TBC1D4: variants seen among roughly 807,000 people sequenced by gnomAD.
TBC1D4 encodes TBC (Tre-2, BUB2, CDC16) domain-containing protein.
TBC1D4 carries 121 observed loss-of-function variants against 142.5 expected under a neutral mutation model. The ratio of observed to expected loss-of-function variants is 0.85; its 90% CI spans 0.73 to 0.99. The LOEUF (loss-of-function observed/expected upper bound fraction) is 0.99, where lower values mean the gene tolerates loss of function less well. Among genes scored for constraint, TBC1D4 ranks in the 50% least tolerant of loss-of-function variants. The probability of loss-of-function intolerance (pLI) is 0.00; values close to 1 mark genes in which losing one functional copy is unlikely to be tolerated. For missense variants in TBC1D4, 1,475 were observed against 1,606.6 expected (o/e 0.92, Z 1.40); for synonymous variants, 630 against 628.2 (o/e 1.00, Z -0.04).
chr13:75,342,644 T>A (rs1256606496), intron 5 of TBC1D4, among the ~76,000 whole-genome samples: 1 of 152,144 alleles, frequency 6.6e-6, no homozygotes, highest in Non-Finnish European at 1.5e-5. Flanking sequence ...AGGTTGTTTT[T>A]AAATTTTTTT....
rs548001067 is a variant in TBC1D4, at chr13:75,317,703, C to G, written c.2222+2311G>C. 3.3e-5 allele frequency among the ~76,000 whole-genome samples: 5 copies of G among 152,316 alleles called. No individual in the cohort carries two copies. In the South Asian group the frequency reaches 1.0e-3, roughly 32 times the overall value. ...AAAGTATTCTGTGCCAGCATTACCT[C>G]TATCAGAAATTGACAAAGTTAAAAA... On this transcript the variant is annotated intron_variant, in intron 12 of 20. Transcript: ENST00000377636.
intron 5 of TBC1D4, 103 bp from the exon 6 acceptor site, chr13:75,341,690 T>C: frequency 1.1e-6 from 1 of 886,452 alleles, no homozygotes; most frequent in Admixed American, 1.9e-5. Context: ...GGCTCTGAAC[T>C]TAAATCTTCT....
At chr13:75,384,892 A>G (rs9593069) in intron 1 of TBC1D4, among the ~76,000 whole-genome samples, 1,702 of 152,358 alleles carry the variant, frequency 0.011, 42 homozygotes, top group African/African-American at 0.038. Flanking sequence ...TTTAAATTTT[A>G]TTGCCTTATA....
At chr13:75,321,600 C>A (rs1878787980) in intron 11 of TBC1D4, among the ~76,000 whole-genome samples, 1 of 152,100 alleles carries the variant, frequency 6.6e-6, no homozygotes, top group Admixed American at 6.5e-5. Flanking sequence ...AAAAATTCTC[C>A]AATCTTCTAA....
chr13:75,444,155 T>C (rs1269813365), intron 1 of TBC1D4, among the ~76,000 whole-genome samples: 2 of 152,170 alleles, frequency 1.3e-5, no homozygotes, highest in African/African-American at 2.4e-5. Context: ...TAAAGTCTTG[T>C]TCTGTTGCGA....
intron 19 of TBC1D4, among the ~76,000 whole-genome samples, 174 bp downstream of exon 19, chr13:75,291,928 G>A (rs1875349730): frequency 6.6e-6 from 1 of 152,050 alleles, no homozygotes; most frequent in Non-Finnish European, 1.5e-5. Flanking sequence ...CATTTTTTGT[G>A]CATAGCCAGA....
chr13:75,400,278 C>T (rs917859682), intron 1 of TBC1D4, among the ~76,000 whole-genome samples: 2 of 152,224 alleles, frequency 1.3e-5, no homozygotes, highest in Non-Finnish European at 2.9e-5. Flanking sequence ...TCTAACCAGC[C>T]GCACTTTTTT....
intron 1 of TBC1D4, among the ~76,000 whole-genome samples, chr13:75,477,237 A>C (rs537394501): frequency 5.9e-4 from 90 of 152,382 alleles, no homozygotes; most frequent in Non-Finnish European, 8.8e-4. Flanking sequence ...CAAAGCTACT[A>C]ACCATCAACT....
intron 15 of TBC1D4, chr13:75,302,692 T>C (rs368004541): frequency 3.7e-5 from 17 of 457,202 alleles, no homozygotes; most frequent in African/African-American, 3.1e-4. Context: ...GGTGCCTAGC[T>C]ACTAAGCACA....
At chr13:75,315,381 C>A (rs1346383941) in intron 12 of TBC1D4, among the ~76,000 whole-genome samples, 1 of 147,614 alleles carries the variant, frequency 6.8e-6, no homozygotes, top group Admixed American at 6.8e-5. Context: ...CACACACACA[C>A]ACACACATAT....
chr13:75,410,593 T>C (rs1885599076), intron 1 of TBC1D4, among the ~76,000 whole-genome samples: 2 of 152,290 alleles, frequency 1.3e-5, no homozygotes, highest in East Asian at 1.9e-4. Flanking sequence ...CTGTCTGTTT[T>C]TCAGAAATAC....
intron 1 of TBC1D4, among the ~76,000 whole-genome samples, chr13:75,475,516 T>C (rs1297225830): frequency 1.3e-5 from 2 of 152,232 alleles, no homozygotes; most frequent in Admixed American, 1.3e-4. Flanking sequence ...CTGGCCATTA[T>C]CTTATTCACT....
In TBC1D4 at chr13:75,374,589, AAAG is replaced by A. The variant is rs1272287608; in HGVS notation, c.499-11985_499-11983del. ...ATTATAATCAATGAGACTGAAGATC[AAAG>A]AAAATAAGGAAATCTGTTCAGTGGT... On this transcript the variant is annotated intron_variant, in intron 1 of 20. Coordinates refer to ENST00000377636, the MANE Select transcript of TBC1D4 (RefSeq NM_014832.5). 2.6e-5 allele frequency among the ~76,000 whole-genome samples: 4 copies of A among 152,308 alleles called. No individual in the cohort carries two copies. In the East Asian group the frequency reaches 7.7e-4, roughly 29 times the overall value.
intron 8 of TBC1D4, among the ~76,000 whole-genome samples, chr13:75,332,933 A>G (rs1311322243): frequency 1.3e-5 from 2 of 152,256 alleles, no homozygotes; most frequent in African/African-American, 4.8e-5. Flanking sequence ...CAAGCATGGA[A>G]AAAATCAAAA....
At chr13:75,448,377 G>A (rs1297106558) in intron 1 of TBC1D4, among the ~76,000 whole-genome samples, 1 of 152,022 alleles carries the variant, frequency 6.6e-6, no homozygotes, top group Non-Finnish European at 1.5e-5. Context: ...ACGCCAGCCT[G>A]ACCAACATGG....
Position 75,362,552 on chromosome 13 carries a change from T to A in TBC1D4, c.554A>T (p.Asp185Val). ...RQLSKAAMKE[D>V]AKPSKDNEDA... is the part of the protein sequence containing the mutation. ...CTCATTATCTTTGCTGGGTTTGGCA[T>A]CCTCTTTCATGGCCGCTTTAGATAA... Residue 185 changes from aspartate (D) to valine (V), a missense_variant, in exon 2 of 21, where the codon GAT becomes GTT. By Grantham distance (152) the Asp-to-Val change is radical. Coordinates refer to ENST00000377636, the MANE Select transcript of TBC1D4 (RefSeq NM_014832.5). The surrounding 1 kb of genome is among the most constrained non-coding windows in gnomAD (Gnocchi z 4.2). 1.2e-6 allele frequency: 2 copies of A among 1,614,212 alleles called. No individual in the cohort carries two copies. Among genetic ancestry groups the A allele is most frequent in the Non-Finnish European group, 1.7e-6 (2 of 1,180,040 alleles).
intron 1 of TBC1D4, among the ~76,000 whole-genome samples, chr13:75,383,153 C>A (rs1263466220): frequency 6.6e-6 from 1 of 152,172 alleles, no homozygotes; most frequent in East Asian, 1.9e-4. Flanking sequence ...GAAATCCCAT[C>A]TCTACCAAAA....
intron 11 of TBC1D4, among the ~76,000 whole-genome samples, chr13:75,323,579 C>T (rs1052671429): frequency 6.6e-5 from 10 of 152,138 alleles, no homozygotes; most frequent in African/African-American, 1.7e-4. Context: ...ACAGGCTATA[C>T]ATTTTCCATA....
At chr13:75,396,830 T>G (rs17064351) in intron 1 of TBC1D4, among the ~76,000 whole-genome samples, 5,144 of 152,054 alleles carry the variant, frequency 0.034, 297 homozygotes, top group African/African-American at 0.12. Context: ...CCTATGACAC[T>G]GAAAAAAATT....
Sources: gnomAD v4.1 joint callset for allele counts (sites outside exome capture counted in the v4.1 genomes callset) on GRCh38, gnomAD v4.1.1 for gene constraint, Gnocchi (gnomAD v3.1) non-coding constraint, MANE v1.5 for transcripts, NCBI Gene and HGNC (gene_info 2026-07-23, HGNC 2026-07-21) for gene names.